MRTFB: variants seen among roughly 807,000 people sequenced by gnomAD.
The protein encoded by MRTFB is myocardin-related transcription factor B.
In MRTFB, 29 loss-of-function variants were observed where a neutral mutation model predicts 104.2. The observed-to-expected ratio is 0.28, with a 90% CI of 0.21 to 0.38. MRTFB has a LOEUF of 0.38. MRTFB is among the 10% of genes least tolerant of loss of function. The pLI, the probability that MRTFB is intolerant of heterozygous loss-of-function variation, is 1.00. For synonymous variants in MRTFB, 535 were observed against 519.5 expected (o/e 1.03, Z -0.41); for missense variants, 1,270 against 1,341.6 (o/e 0.95, Z 0.83).
At chr16:14,008,944 G>T in the MRTFB span, among the ~76,000 whole-genome samples, 69,240 of 148,688 alleles carry the variant, frequency 0.47, 16,527 homozygotes, top group Middle Eastern at 0.61. Flanking sequence ...AAAATTTTAT[G>T]TATTTATTTA....
chr16:14,193,260 A>T (rs1262379525), intron 3 of MRTFB, among the ~76,000 whole-genome samples: 2 of 150,700 alleles, frequency 1.3e-5, no homozygotes, highest in Non-Finnish European at 2.9e-5. Context: ...CTTAAAATGT[A>T]ATCCTATTCC....
At chr16:14,115,765 T>C (rs931264413) in intron 2 of MRTFB, among the ~76,000 whole-genome samples, 1 of 152,190 alleles carries the variant, frequency 6.6e-6, no homozygotes, top group African/African-American at 2.4e-5. Context: ...CACAGGTGAA[T>C]TATGAAAAAA....
intron 9 of MRTFB, among the ~76,000 whole-genome samples, chr16:14,237,489 T>A (rs776002427): frequency 9.2e-5 from 14 of 152,206 alleles, no homozygotes; most frequent in Non-Finnish European, 2.1e-4. Context: ...AAAGCTTAGT[T>A]GGAGTGGGCA....
intron 8 of MRTFB, among the ~76,000 whole-genome samples, chr16:14,229,735 A>G (rs1381061808): frequency 1.3e-5 from 2 of 152,074 alleles, no homozygotes; most frequent in East Asian, 1.9e-4. Context: ...TTTATGATCA[A>G]CAGTGCCTTT....
At chr16:14,073,611 A>T (rs2033865978) in intron 1 of MRTFB, among the ~76,000 whole-genome samples, 1 of 152,196 alleles carries the variant, frequency 6.6e-6, no homozygotes, top group African/African-American at 2.4e-5. Flanking sequence ...TGTCTGAAAG[A>T]TTGGCTGTGT....
chr16:14,110,147 G>A (rs572543053), intron 2 of MRTFB, among the ~76,000 whole-genome samples: 1 of 152,304 alleles, frequency 6.6e-6, no homozygotes, highest in East Asian at 1.9e-4. Flanking sequence ...GTCTGAGCTG[G>A]GCTCCCTATG....
intron 3 of MRTFB, chr16:14,191,720 A>G (rs1328759795): frequency 6.6e-6 from 1 of 152,226 alleles, no homozygotes; most frequent in Non-Finnish European, 1.5e-5. Flanking sequence ...TCCATTATAA[A>G]TTAATGGCTT....
the MRTFB span, among the ~76,000 whole-genome samples, chr16:14,021,924 G>A: frequency 6.6e-6 from 1 of 152,158 alleles, no homozygotes; most frequent in East Asian, 1.9e-4. Context: ...ATTTCCCGCC[G>A]GGTAGATACC....
rs1257323939 is a variant in MRTFB at position 14,249,101 on chromosome 16, C to G, written c.2403+20C>G. 2.5e-6 allele frequency: 4 copies of G among 1,609,734 alleles called. No individual in the cohort carries two copies. Among genetic ancestry groups the G allele is most frequent in the Middle Eastern group, 1.7e-4 (1 of 6,040 alleles). ...AGAAAGGTTTGTAAATGCCAAGGAG[C>G]AATAGAATGTCGCTGATTTTTACCA... On this transcript the variant is annotated intron_variant, in intron 13 of 16. Transcript: ENST00000571589.
At chr16:14,240,722 TTTCACAATTA>T (rs771777834) in intron 10 of MRTFB, 8 of 799,124 alleles carry the variant, frequency 1.0e-5, no homozygotes, top group Non-Finnish European at 1.6e-5. Context: ...AGAAATGCCT[TTTCACAATTA>T]TTCATCCAGA....
the MRTFB span, among the ~76,000 whole-genome samples, chr16:14,016,754 C>G: frequency 7.9e-4 from 60 of 76,404 alleles, no homozygotes; most frequent in African/African-American, 3.3e-3. Context: ...TCGTGGGTAA[C>G]AAGAGGGAAA....
At chr16:14,024,844 T>C in the MRTFB span, among the ~76,000 whole-genome samples, 2 of 152,160 alleles carry the variant, frequency 1.3e-5, no homozygotes, top group Non-Finnish European at 2.9e-5. Context: ...TTCACAACAC[T>C]GTCATGAGGT....
At chr16:14,181,567 C>G (rs1450421462) in intron 3 of MRTFB, among the ~76,000 whole-genome samples, 3 of 152,142 alleles carry the variant, frequency 2.0e-5, no homozygotes, top group African/African-American at 4.8e-5. Context: ...ATCTTTATGT[C>G]AAGAATGCTA....
chr16:14,240,124 T>A (rs1322651204), intron 9 of MRTFB, 113 bp from the exon 10 acceptor site: 1 of 1,278,604 alleles, frequency 7.8e-7, no homozygotes, highest in East Asian at 2.5e-5. Context: ...AAAGTGGCTG[T>A]ACCCGTATCT....
chr16:14,057,632 T>C, the MRTFB span, among the ~76,000 whole-genome samples: 4 of 152,216 alleles, frequency 2.6e-5, no homozygotes, highest in African/African-American at 9.6e-5. Context: ...TTCCCTGTTC[T>C]TGTAATACTT....
At chr16:14,047,435 G>A in the MRTFB span, among the ~76,000 whole-genome samples, 2 of 152,220 alleles carry the variant, frequency 1.3e-5, no homozygotes, top group African/African-American at 4.8e-5. Context: ...GGCCAGATGT[G>A]GGTCAGATGG....
intron 3 of MRTFB, among the ~76,000 whole-genome samples, chr16:14,198,568 G>A (rs192801300): frequency 5.6e-4 from 85 of 152,234 alleles, no homozygotes; most frequent in African/African-American, 1.7e-3. Context: ...GGAGCATTTC[G>A]GTAATGCATA....
intron 3 of MRTFB, among the ~76,000 whole-genome samples, chr16:14,179,712 A>G (rs907930338): frequency 2.6e-5 from 4 of 152,228 alleles, no homozygotes; most frequent in African/African-American, 9.6e-5. Flanking sequence ...ATAACTAAGG[A>G]AGAGAATGCA....
At chr16:14,087,312 ATGTAC>A (rs1869065311) in intron 2 of MRTFB, among the ~76,000 whole-genome samples, 2 of 152,304 alleles carry the variant, frequency 1.3e-5, no homozygotes, top group South Asian at 4.1e-4. Context: ...GGTTAAGGAT[ATGTAC>A]TGAACCTCTG....
Sources: allele counts gnomAD v4.1 joint callset (sites outside exome capture counted in the v4.1 genomes callset), GRCh38; gene constraint gnomAD v4.1.1; transcripts MANE v1.5; gene names NCBI Gene and HGNC (gene_info 2026-07-23, HGNC 2026-07-21).